Variants in BLMH observed in about 807,000 individuals in gnomAD.
BLMH encodes the protein BLM hydrolase.
Under a neutral mutation model 61.6 loss-of-function variants are expected in BLMH, and 32 were observed. The observed-to-expected ratio is 0.52, with a 90% CI of 0.39 to 0.70. The LOEUF (loss-of-function observed/expected upper bound fraction) is 0.70. Ranked by LOEUF, BLMH falls within the 30% of genes least tolerant of loss-of-function variation. BLMH has a pLI of 0.00. For synonymous variants in BLMH, 183 were observed against 193.8 expected, an observed-to-expected ratio of 0.94 and a Z score of 0.46; for missense variants, 460 against 555.5, an observed-to-expected ratio of 0.83 and a Z score of 1.73.
chr17:30,255,653 C>T (rs1453871571), intron 11 of BLMH, among the ~76,000 whole-genome samples: 9 of 152,162 alleles, frequency 5.9e-5, no homozygotes, highest in South Asian at 2.1e-4. Context: ...AATCCCAGCA[C>T]TTTGGGAGGC....
intron 11 of BLMH, among the ~76,000 whole-genome samples, chr17:30,260,528 C>T (rs1907929277): frequency 6.6e-6 from 1 of 152,134 alleles, no homozygotes; most frequent in African/African-American, 2.4e-5. Flanking sequence ...TCTACATACA[C>T]TATTTCTCAG....
In BLMH at chr17:30,291,499, G is replaced by T; in HGVS notation, c.23C>A (p.Ser8Ter). The change falls in exon 2 of 12, where the codon TCG becomes TAG. Residue 8 changes from serine to a stop codon, truncating the protein, a stop_gained. Transcript: ENST00000261714. LOFTEE classifies it high-confidence loss of function. Reference protein sequence around the residue: MSSSGLNSEKVAALIQKL... With the variant: MSSSGLN ...CTGTATCAGAGCAGCTACCTTCTCCGAATTCAGTCCTGTTGGGAGACCAAA... is the reference window on the plus strand; with the variant it reads ...CTGTATCAGAGCAGCTACCTTCTCCTAATTCAGTCCTGTTGGGAGACCAAA... 1 of 1,614,150 alleles carries T rather than the reference G, an allele frequency of 6.2e-7. No individual in the cohort carries two copies. The highest frequency in any genetic ancestry group is 1.1e-5 in the South Asian group (1 of 91,084).
chr17:30,272,653 A>C, intron 8 of BLMH, 25 bp from the exon 9 acceptor site: 4 of 1,614,164 alleles, frequency 2.5e-6, no homozygotes, highest in Non-Finnish European at 3.4e-6. Flanking sequence ...AAGAGGAAGA[A>C]AGTCAACATA....
intron 11 of BLMH, among the ~76,000 whole-genome samples, chr17:30,255,626 CGGT>C (rs1597656379): frequency 6.6e-6 from 1 of 152,158 alleles, no homozygotes; most frequent in Non-Finnish European, 1.5e-5. Context: ...TCGCCAGGCA[CGGT>C]GGCTCATGCC....
At chr17:30,278,733 G>A (rs112478119) in intron 6 of BLMH, among the ~76,000 whole-genome samples, 15 of 152,114 alleles carry the variant, frequency 9.9e-5, no homozygotes, top group Non-Finnish European at 1.5e-4. Flanking sequence ...GCGGTGGCAC[G>A]ATCTCGGCTC....
chr17:30,270,741 T>A (rs187638364), intron 10 of BLMH, among the ~76,000 whole-genome samples: 1 of 152,320 alleles, frequency 6.6e-6, no homozygotes, highest in Non-Finnish European at 1.5e-5. Flanking sequence ...CTCTATAACC[T>A]ATAAAAAGTG....
chr17:30,262,486 G>T (rs1451996907), intron 11 of BLMH, among the ~76,000 whole-genome samples: 2 of 152,160 alleles, frequency 1.3e-5, no homozygotes, highest in South Asian at 2.1e-4. Flanking sequence ...AATTGTCCAA[G>T]ATAAAAAGTT....
At chr17:30,278,172 ACT>A (rs1444972922) in intron 6 of BLMH, among the ~76,000 whole-genome samples, 2 of 152,028 alleles carry the variant, frequency 1.3e-5, no homozygotes, top group African/African-American at 2.4e-5. Flanking sequence ...TTGATAAGAG[ACT>A]CTGCAGTTCT....
At chr17:30,263,123 C>T (rs1029229945) in intron 11 of BLMH, among the ~76,000 whole-genome samples, 5 of 152,214 alleles carry the variant, frequency 3.3e-5, no homozygotes, top group African/African-American at 9.6e-5. Flanking sequence ...CTTGAGTGGA[C>T]GACATGCTAC....
chr17:30,273,958 C>T (rs1018747929), intron 7 of BLMH, 84 bp downstream of exon 7: 393 of 1,522,884 alleles, frequency 2.6e-4, no homozygotes, highest in Non-Finnish European at 3.3e-4. Flanking sequence ...CTCATACATG[C>T]TAACCAAGAA....
Position 30,287,039 on chromosome 17 carries a change from G to C in BLMH, c.464-137C>G, listed in dbSNP as rs143082397. The stretch of plus-strand genomic sequence containing the variant: ...CTTATACTTCATATTATGAAGCAGG[G>C]TTTTTTGTTTTTTGTTTTTTGTTTT... On this transcript the variant is annotated intron_variant, in intron 4 of 11. Coordinates refer to ENST00000261714, the MANE Select transcript of BLMH (RefSeq NM_000386.4). 1.7e-5 allele frequency: 10 copies of C among 592,092 alleles called. No individual in the cohort carries two copies. In the African/African-American group the frequency reaches 1.9e-4, roughly 11 times the overall value. 36.7% of individuals were successfully genotyped at this position (592,092 alleles called of 1,614,324 possible). A position where few individuals can be genotyped will look rare whatever the true frequency, so the allele number is the denominator to read the frequency against.
intron 10 of BLMH, among the ~76,000 whole-genome samples, chr17:30,270,763 C>T (rs1168943519): frequency 2.0e-5 from 3 of 152,112 alleles, no homozygotes; most frequent in African/African-American, 7.2e-5. Context: ...TATTACTATA[C>T]ACACTATTTC....
chr17:30,267,151 C>T (rs1392194237), intron 10 of BLMH, among the ~76,000 whole-genome samples, 197 bp from the exon 11 acceptor site: 1 of 152,158 alleles, frequency 6.6e-6, no homozygotes, highest in Non-Finnish European at 1.5e-5. Context: ...AGGGATACTC[C>T]AGTAGAAATG....
In BLMH at chr17:30,291,391, G is replaced by A; in HGVS notation, c.131C>T (p.Ala44Val). 1 of 1,614,118 alleles carries A rather than the reference G, an allele frequency of 6.2e-7. No homozygotes were observed. Among genetic ancestry groups the A allele is most frequent in the South Asian group, 1.1e-5 (1 of 91,084 alleles). ...CACATGCTGCGCGCGCTGCACCGTG[G>A]CCCGCTTCAGACAGATGTCCAGCAG... Reference protein sequence around the residue: ...HDLLDICLKRATVQRAQHVFQ... With the variant: ...HDLLDICLKRVTVQRAQHVFQ... Residue 44 changes from alanine to valine, a missense_variant, in exon 2 of 12, where the codon GCC (alanine) becomes GTC (valine). Around this residue, in one of 5 missense-constraint regions of BLMH, gnomAD observed 86 missense variants for 84.5 expected, o/e 1.02. Coordinates refer to ENST00000261714, the MANE Select transcript of BLMH (RefSeq NM_000386.4).
Position 30,270,192 on chromosome 17 carries a change from A to C in BLMH, c.1146+1079T>G, listed in dbSNP as rs563361379. Among the ~76,000 whole-genome samples the C allele has an allele frequency of 5.9e-5, 9 of 152,326 alleles. No homozygotes were observed. The South Asian group carries it at 1.9e-3, about 32-fold the overall frequency. ...TAAATCTAGTGGATAGGATAGCAAA[A>C]ACAATTCTCTATCAAACCATTTTCT... On this transcript the variant is annotated intron_variant, in intron 10 of 11. Coordinates refer to ENST00000261714, the MANE Select transcript of BLMH (RefSeq NM_000386.4).
intron 6 of BLMH, among the ~76,000 whole-genome samples, chr17:30,284,211 C>T (rs184147685): frequency 2.6e-5 from 4 of 152,310 alleles, no homozygotes; most frequent in Non-Finnish European, 5.9e-5. Context: ...TTTCTGCATT[C>T]GTCCACTCAA....
At chr17:30,271,460 G>A in intron 9 of BLMH, 72 bp from the exon 10 acceptor site, 1 of 1,175,078 alleles carries the variant, frequency 8.5e-7, no homozygotes, top group East Asian at 2.3e-5. Context: ...GTTGTAAAAG[G>A]AATTCAGAAG....
intron 6 of BLMH, among the ~76,000 whole-genome samples, chr17:30,279,304 T>C (rs1242320867): frequency 1.3e-5 from 2 of 152,186 alleles, no homozygotes; most frequent in Non-Finnish European, 2.9e-5. Flanking sequence ...GCTAAATTTT[T>C]TGATTGATGG....
At chr17:30,282,147 T>C (rs1025934694) in intron 6 of BLMH, among the ~76,000 whole-genome samples, 2 of 152,066 alleles carry the variant, frequency 1.3e-5, no homozygotes, top group Non-Finnish European at 2.9e-5. Context: ...TGATCTGCCT[T>C]AGCCTCCCAA....
Sources: allele counts gnomAD v4.1 joint callset (sites outside exome capture counted in the v4.1 genomes callset), GRCh38; gene constraint gnomAD v4.1.1; regional missense constraint gnomAD v4.1.1; transcripts MANE v1.5; gene names NCBI Gene and HGNC (gene_info 2026-07-23, HGNC 2026-07-21).